COL23A1: variants seen among roughly 807,000 people sequenced by gnomAD.
COL23A1 encodes the protein collagen type XXIII alpha 1 chain, also known as collagen alpha-1(XXIII) chain.
Under a neutral mutation model 99.3 loss-of-function variants are expected in COL23A1, and 97 were observed. That is an observed-to-expected ratio of 0.98 (90% confidence interval 0.83 to 1.16). The LOEUF (loss-of-function observed/expected upper bound fraction) is 1.16, where lower values mean the gene tolerates loss of function less well. Among genes scored for constraint, COL23A1 ranks in the 50% most tolerant of loss-of-function variants. COL23A1 has a pLI of 0.00. For missense variants in COL23A1, 762 were observed against 757.4 expected, an observed-to-expected ratio of 1.01 and a Z score of -0.07; for synonymous variants, 320 against 308.2, an observed-to-expected ratio of 1.04 and a Z score of -0.40.
At chr5:178,291,612 A>C (rs67935657) in intron 3 of COL23A1, among the ~76,000 whole-genome samples, 19,733 of 151,914 alleles carry the variant, frequency 0.13, 1,521 homozygotes, top group African/African-American at 0.22. Context: ...GTTTCCATGT[A>C]ATGGTCTGGG....
chr5:178,534,845 C>A (rs1181103767), intron 2 of COL23A1, among the ~76,000 whole-genome samples: 1 of 152,172 alleles, frequency 6.6e-6, no homozygotes, highest in Admixed American at 6.5e-5. Flanking sequence ...AGTACAGGCC[C>A]TGCCCCACAC....
At chr5:178,519,114 G>A (rs1048791473) in intron 2 of COL23A1, among the ~76,000 whole-genome samples, 12 of 152,212 alleles carry the variant, frequency 7.9e-5, no homozygotes, top group Non-Finnish European at 1.8e-4. Flanking sequence ...AGCCCGCGGC[G>A]CCTTCGAGCC....
At chr5:178,342,567 G>A (rs935405026) in intron 2 of COL23A1, among the ~76,000 whole-genome samples, 13 of 152,150 alleles carry the variant, frequency 8.5e-5, no homozygotes, top group East Asian at 1.9e-4. Flanking sequence ...AGGTCCCACC[G>A]GCCAGAGCAT....
intron 27 of COL23A1, among the ~76,000 whole-genome samples, chr5:178,240,434 C>T (rs1004318182): frequency 5.3e-5 from 8 of 152,322 alleles, no homozygotes; most frequent in East Asian, 3.9e-4. Flanking sequence ...ACACGGCACA[C>T]GGCACACAGC....
intron 2 of COL23A1, among the ~76,000 whole-genome samples, chr5:178,461,967 A>G (rs1040552396): frequency 3.6e-4 from 55 of 152,244 alleles, no homozygotes; most frequent in African/African-American, 1.3e-3. Flanking sequence ...AGCTGCCGCG[A>G]AAGTTCCTGC....
At chr5:178,244,883 A>G (rs1764585918) in intron 25 of COL23A1, among the ~76,000 whole-genome samples, 1 of 152,224 alleles carries the variant, frequency 6.6e-6, no homozygotes. Flanking sequence ...GGATATTGCA[A>G]CAGGCTCCTC....
chr5:178,331,027 C>T (rs1377795973), intron 2 of COL23A1, among the ~76,000 whole-genome samples: 3 of 152,248 alleles, frequency 2.0e-5, no homozygotes, highest in Admixed American at 6.5e-5. Flanking sequence ...GGATAAACCT[C>T]GTCTCTCTTA....
chr5:178,533,907 T>C (rs1760790912), intron 2 of COL23A1, among the ~76,000 whole-genome samples: 1 of 152,214 alleles, frequency 6.6e-6, no homozygotes, highest in African/African-American at 2.4e-5. Context: ...TTAGGGAGGC[T>C]TCAGTGGACA....
chr5:178,589,681 C>T lies in COL23A1; in HGVS notation c.294+223G>A, dbSNP rs2063002868. Among the ~76,000 whole-genome samples the T allele has an allele frequency of 6.6e-6, 1 of 151,616 alleles. No individual in the cohort carries two copies. The highest frequency in any genetic ancestry group is 1.5e-5 in the Non-Finnish European group (1 of 67,908). On this transcript the variant is annotated intron_variant, in intron 1 of 28. Coordinates refer to ENST00000390654, the MANE Select transcript of COL23A1 (RefSeq NM_173465.4). The surrounding 1 kb of genome is among the most constrained non-coding windows in gnomAD (Gnocchi z 5.4). Reference sequence around the variant, plus strand: ...CTTTCTCGCGGCCGCCTGCCTGGCACGGGACCCTGAGGCCGGAGCGGAGAC... The same window carrying T: ...CTTTCTCGCGGCCGCCTGCCTGGCATGGGACCCTGAGGCCGGAGCGGAGAC...
At chr5:178,268,432 CA>C (rs762605164) in intron 7 of COL23A1, among the ~76,000 whole-genome samples, 7 of 152,214 alleles carry the variant, frequency 4.6e-5, no homozygotes, top group Non-Finnish European at 1.0e-4. Context: ...CACCCCCCTT[CA>C]CCATGAAGTC....
rs1282259727 is a variant in COL23A1, at chr5:178,387,090, T to C, written c.362-80171A>G. 6.6e-6 allele frequency among the ~76,000 whole-genome samples: 1 copy of C among 152,046 alleles called. No homozygotes were observed. Among genetic ancestry groups the C allele is most frequent in the African/African-American group, 2.4e-5 (1 of 41,398 alleles). Reference sequence around the variant, plus strand: ...CCTGGCACTCTGCACCCCCACCTTATTTCTCTCCCACGGCAGCTTCTCATC... The same window carrying C: ...CCTGGCACTCTGCACCCCCACCTTACTTCTCTCCCACGGCAGCTTCTCATC... On this transcript the variant is annotated intron_variant, in intron 2 of 28. Transcript: ENST00000390654. This position sits in a 1 kb window ranked among gnomAD's most constrained non-coding sequence, Gnocchi z 4.7.
intron 16 of COL23A1, 55 bp from the exon 17 acceptor site, chr5:178,252,652 G>C (rs192851446): frequency 8.0e-6 from 12 of 1,496,496 alleles, no homozygotes; most frequent in Admixed American, 3.8e-5. Context: ...GCCTCCCTTC[G>C]CTACCCATCC....
chr5:178,332,641 C>T (rs1466112407), intron 2 of COL23A1, among the ~76,000 whole-genome samples: 1 of 152,122 alleles, frequency 6.6e-6, no homozygotes, highest in African/African-American at 2.4e-5. Context: ...CAGACTCGTT[C>T]AGCTAAAATC....
chr5:178,299,057 C>T (rs1437894844), intron 3 of COL23A1, among the ~76,000 whole-genome samples: 1 of 152,080 alleles, frequency 6.6e-6, no homozygotes, highest in Non-Finnish European at 1.5e-5. Flanking sequence ...GATTCCTTTG[C>T]TTGTATTGTT....
intron 2 of COL23A1, among the ~76,000 whole-genome samples, chr5:178,353,300 G>A (rs1460331349): frequency 6.6e-6 from 1 of 151,966 alleles, no homozygotes; most frequent in Admixed American, 6.6e-5. Context: ...ATTTGAGAAA[G>A]GCCCTTTATG....
intron 1 of COL23A1, among the ~76,000 whole-genome samples, chr5:178,586,816 C>G (rs772517266): frequency 1.3e-5 from 2 of 152,002 alleles, no homozygotes; most frequent in East Asian, 1.9e-4. Context: ...GCAGCCCTGA[C>G]AAGTAGACAA....
rs918063779 is a variant in COL23A1, at chr5:178,532,252, A to C, written c.361+28430T>G. ...GTTATTCCTTAGAAACAATCAGGTC[A>C]TTAAGAGGAAACTTTAGTAACCATG... is the stretch of plus-strand genomic sequence containing the variant. On this transcript the variant is annotated intron_variant, in intron 2 of 28. Transcript: ENST00000390654. Among the ~76,000 whole-genome samples the C allele has an allele frequency of 2.0e-5, 3 of 152,248 alleles. No homozygotes were observed. In the East Asian group the frequency reaches 5.8e-4, roughly 29 times the overall value.
intron 2 of COL23A1, among the ~76,000 whole-genome samples, chr5:178,405,347 C>A (rs546423794): frequency 6.6e-6 from 1 of 152,254 alleles, no homozygotes; most frequent in Non-Finnish European, 1.5e-5. Context: ...TCCTCGTTTA[C>A]ATTGTTCTTC....
intron 3 of COL23A1, among the ~76,000 whole-genome samples, chr5:178,294,588 C>G (rs944124271): frequency 2.6e-5 from 4 of 152,168 alleles, no homozygotes; most frequent in Admixed American, 2.6e-4. Flanking sequence ...GTGTTATAAC[C>G]ACTAGTTATC....
Sources: gnomAD v4.1 joint callset for allele counts (sites outside exome capture counted in the v4.1 genomes callset) on GRCh38, gnomAD v4.1.1 for gene constraint, Gnocchi (gnomAD v3.1) non-coding constraint, MANE v1.5 for transcripts, NCBI Gene and HGNC (gene_info 2026-07-23, HGNC 2026-07-21) for gene names.